FAM135B: variants seen among roughly 807,000 people sequenced by gnomAD.
FAM135B encodes family with sequence similarity 135 member B, also known as protein FAM135B.
Under a neutral mutation model 127.7 loss-of-function variants are expected in FAM135B, and 43 were observed. The ratio of observed to expected loss-of-function variants is 0.34; its 90% CI spans 0.26 to 0.43. The LOEUF (loss-of-function observed/expected upper bound fraction) is 0.43, where lower values mean the gene tolerates loss of function less well. Ranked by LOEUF, FAM135B falls within the 20% of genes least tolerant of loss-of-function variation. The pLI, the probability that FAM135B is intolerant of heterozygous loss-of-function variation, is 1.00. For missense variants in FAM135B, 1,558 were observed against 1,725.6 expected, an observed-to-expected ratio of 0.90 and a Z score of 1.72; for synonymous variants, 670 against 665.1, an observed-to-expected ratio of 1.01 and a Z score of -0.11.
intron 12 of FAM135B, 46 bp downstream of exon 12, chr8:138,167,849 C>T (rs1820078776): frequency 1.3e-6 from 2 of 1,546,048 alleles, no homozygotes; most frequent in Middle Eastern, 1.7e-4. Flanking sequence ...CAGAATCCCA[C>T]TGGAAAGCCT....
rs186311620 is a variant in FAM135B at position 138,196,485 on chromosome 8, G to C, written c.823+1031C>G. On this transcript the variant is annotated intron_variant, in intron 8 of 19. Transcript: ENST00000395297. ...CGGAGAGAGTGTGGCAGGGATCTGA[G>C]GGGAATCAGCTCTTAAAGACCTCAG... Among the ~76,000 whole-genome samples the C allele has an allele frequency of 2.0e-3, 297 of 152,276 alleles. 3 individuals carry two copies. The highest frequency in any genetic ancestry group is 6.9e-3 in the African/African-American group (285 of 41,558).
chr8:138,336,058 C>T (rs1307694178), intron 2 of FAM135B, among the ~76,000 whole-genome samples: 14 of 152,012 alleles, frequency 9.2e-5, no homozygotes, highest in East Asian at 5.8e-4. Flanking sequence ...TTGAAACCCA[C>T]GAGAACAAAG....
Position 138,243,066 on chromosome 8 carries a change from A to G in FAM135B, c.545T>C (p.Phe182Ser), listed in dbSNP as rs377554229. 1.2e-5 allele frequency: 20 copies of G among 1,604,874 alleles called. No homozygotes were observed. The highest frequency in any genetic ancestry group is 8.9e-5 in the East Asian group (4 of 44,776). ...CCAGGAGCCTCTTCCTGGACGAGTAAAACTAAACAAAAGATAATTGAAAGG... is the reference window on the plus strand; with the variant it reads ...CCAGGAGCCTCTTCCTGGACGAGTAGAACTAAACAAAAGATAATTGAAAGG... ...LVALQQPLIS[F>S]TRPGRGSWLG... Residue 182 changes from phenylalanine (F) to serine (S), a missense_variant and splice_region_variant, in exon 7 of 20, where the codon TTT becomes TCT. Phe to Ser is a radical substitution (Grantham distance 155). Coordinates refer to ENST00000395297, the MANE Select transcript of FAM135B (RefSeq NM_015912.4). The surrounding 1 kb of genome is among the most constrained non-coding windows in gnomAD (Gnocchi z 7.5).
intron 2 of FAM135B, among the ~76,000 whole-genome samples, chr8:138,341,111 C>T (rs1232659245): frequency 6.6e-6 from 1 of 152,218 alleles, no homozygotes; most frequent in African/African-American, 2.4e-5. Flanking sequence ...ATTTTGCATA[C>T]TCATGTTCAC....
At chr8:138,496,491 T>C (rs1230319555) in intron 1 of FAM135B, among the ~76,000 whole-genome samples, 180 bp downstream of exon 1, 2 of 152,186 alleles carry the variant, frequency 1.3e-5, no homozygotes, top group Admixed American at 1.3e-4. Flanking sequence ...CCTGTCCAGA[T>C]GTGCAGCAAA....
chr8:138,167,484 C>T (rs7845209), intron 12 of FAM135B, among the ~76,000 whole-genome samples: 84,587 of 152,100 alleles, frequency 0.56, 23,749 homozygotes, highest in East Asian at 0.81. Flanking sequence ...GCGCGAGCCA[C>T]GGCGTCCAGC....
intron 5 of FAM135B, among the ~76,000 whole-genome samples, chr8:138,253,320 G>C (rs1294465724): frequency 6.6e-6 from 1 of 152,176 alleles, no homozygotes; most frequent in Non-Finnish European, 1.5e-5. Flanking sequence ...ATGGGTCTTT[G>C]CAGAGTAACA....
chr8:138,428,202 G>C (rs549930239), intron 1 of FAM135B, among the ~76,000 whole-genome samples: 34 of 152,202 alleles, frequency 2.2e-4, no homozygotes, highest in Non-Finnish European at 4.6e-4. Context: ...TGGGAATTGG[G>C]CATTGTCCTC....
rs66488273 is a variant in FAM135B at position 138,178,700 on chromosome 8, C to CA, written c.874-11dup. The CA allele has an allele frequency of 0.29, 462,646 of 1,608,764 alleles. 68,167 individuals carry two copies. The highest frequency in any genetic ancestry group is 0.31 in the Non-Finnish European group (360,435 of 1,177,562). ...CTGGATTGTTCAACATCTGGAGAGG[C>CA]AAAAAAGGTGGTATTCAAGGCTCCT... On this transcript the variant is annotated splice_polypyrimidine_tract_variant and intron_variant, in intron 9 of 19. Coordinates refer to ENST00000395297, the MANE Select transcript of FAM135B (RefSeq NM_015912.4).
intron 1 of FAM135B, among the ~76,000 whole-genome samples, chr8:138,442,899 C>A (rs1442780273): frequency 2.0e-5 from 3 of 152,138 alleles, no homozygotes; most frequent in African/African-American, 7.2e-5. Flanking sequence ...ATGCCACTGA[C>A]AAATCAGAAA....
intron 1 of FAM135B, among the ~76,000 whole-genome samples, chr8:138,413,899 G>A (rs929658021): frequency 6.6e-6 from 1 of 152,000 alleles, no homozygotes; most frequent in African/African-American, 2.4e-5. Context: ...TGGGTGACAA[G>A]CATTTTTCAC....
chr8:138,238,046 T>A (rs1820438436), intron 7 of FAM135B, among the ~76,000 whole-genome samples: 1 of 151,858 alleles, frequency 6.6e-6, no homozygotes, highest in African/African-American at 2.4e-5. Flanking sequence ...TATCCAATTA[T>A]CTCTCTATAC....
intron 1 of FAM135B, among the ~76,000 whole-genome samples, chr8:138,393,341 T>C (rs1460961491): frequency 6.6e-6 from 1 of 152,060 alleles, no homozygotes; most frequent in Admixed American, 6.5e-5. Context: ...AATTCTGGAA[T>C]CACCAGATTT....
At chr8:138,336,917 G>T (rs1828639244) in intron 2 of FAM135B, among the ~76,000 whole-genome samples, 1 of 152,154 alleles carries the variant, frequency 6.6e-6, no homozygotes, top group African/African-American at 2.4e-5. Flanking sequence ...CCATGATCAA[G>T]TGGGCTTCAT....
intron 2 of FAM135B, among the ~76,000 whole-genome samples, chr8:138,328,300 A>G (rs1226304506): frequency 6.6e-6 from 1 of 152,152 alleles, no homozygotes; most frequent in Non-Finnish European, 1.5e-5. Context: ...GCTCACTCCT[A>G]AGAACAGGTA....
intron 7 of FAM135B, among the ~76,000 whole-genome samples, chr8:138,213,498 A>C (rs556537246): frequency 6.9e-6 from 1 of 144,438 alleles, no homozygotes; most frequent in Non-Finnish European, 1.5e-5. Flanking sequence ...TTTCAATTTT[A>C]TGTAATTTCT....
chr8:138,172,873 C>A (rs1279761131), intron 11 of FAM135B, among the ~76,000 whole-genome samples: 2 of 152,210 alleles, frequency 1.3e-5, no homozygotes, highest in Non-Finnish European at 2.9e-5. Context: ...CTCCCATTCC[C>A]CTCCCTGCCC....
At chr8:138,202,578 C>A (rs1303909711) in intron 7 of FAM135B, among the ~76,000 whole-genome samples, 1 of 152,152 alleles carries the variant, frequency 6.6e-6, no homozygotes, top group Non-Finnish European at 1.5e-5. Context: ...CCACTTACTA[C>A]CAATGTCACC....
chr8:138,379,519 A>AATCC (rs1180100213), intron 1 of FAM135B, among the ~76,000 whole-genome samples: 6 of 152,194 alleles, frequency 3.9e-5, no homozygotes, highest in Non-Finnish European at 8.8e-5. Context: ...TATTCAAAGA[A>AATCC]ATCCAGCCTG....
Sources: allele counts gnomAD v4.1 joint callset (sites outside exome capture counted in the v4.1 genomes callset), GRCh38; gene constraint gnomAD v4.1.1; non-coding constraint Gnocchi (gnomAD v3.1); transcripts MANE v1.5; gene names NCBI Gene and HGNC (gene_info 2026-07-23, HGNC 2026-07-21).